Variants in TSPEAR observed in about 807,000 individuals in gnomAD.
TSPEAR encodes thrombospondin-type laminin G domain and EAR repeat-containing protein.
TSPEAR carries 69 observed loss-of-function variants against 71.6 expected under a neutral mutation model. The observed-to-expected ratio is 0.96, with a 90% CI of 0.79 to 1.18. The LOEUF is 1.18. Among genes scored for constraint, TSPEAR ranks in the 50% most tolerant of loss-of-function variants. The probability of loss-of-function intolerance (pLI) is 0.00; values close to 1 mark genes in which losing one functional copy is unlikely to be tolerated. For synonymous variants in TSPEAR, 402 were observed against 387.2 expected (o/e 1.04, Z -0.45); for missense variants, 971 against 894.9 (o/e 1.09, Z -1.09).
intron 1 of TSPEAR, among the ~76,000 whole-genome samples, chr21:44,674,786 A>G (rs868982128): frequency 1.1e-4 from 15 of 130,734 alleles, no homozygotes; most frequent in African/African-American, 3.1e-4. Context: ...GTGTGTGTGT[A>G]TAACATTACC....
chr21:44,586,047 G>T (rs1555925640), intron 1 of TSPEAR, among the ~76,000 whole-genome samples: 1 of 152,194 alleles, frequency 6.6e-6, no homozygotes, highest in African/African-American at 2.4e-5. Flanking sequence ...CCTGGGGTGT[G>T]GTCTCTTCCT....
chr21:44,620,355 A>C (rs1049716992), intron 1 of TSPEAR, among the ~76,000 whole-genome samples: 2 of 152,256 alleles, frequency 1.3e-5, no homozygotes, highest in Non-Finnish European at 2.9e-5. Flanking sequence ...TAGTAAGCTA[A>C]AGCAATATGA....
rs185145080 is a variant in TSPEAR at position 44,636,023 on chromosome 21, A to T, written c.83-68018T>A. ...GGAAATTTAAAATTTTTAGTCTTCT[A>T]TTCATTTCTTTTGTATCTTATCCTG... On this transcript the variant is annotated intron_variant, in intron 1 of 11. Transcript: ENST00000323084. Among the ~76,000 whole-genome samples, 177 of 152,180 alleles carry T rather than the reference A, an allele frequency of 1.2e-3. 2 individuals are homozygous for T. The highest frequency in any genetic ancestry group is 3.8e-4 in the Non-Finnish European group (26 of 67,994).
At chr21:44,503,464 C>T (rs781951787) in intron 11 of TSPEAR, among the ~76,000 whole-genome samples, 1 of 116,028 alleles carries the variant, frequency 8.6e-6, no homozygotes, top group Admixed American at 9.5e-5. Flanking sequence ...AAGCCGGCCT[C>T]GGTGAGCCCT....
intron 1 of TSPEAR, among the ~76,000 whole-genome samples, chr21:44,693,298 G>A (rs1987194182): frequency 6.6e-6 from 1 of 152,088 alleles, no homozygotes. Flanking sequence ...CCTTGGATTT[G>A]ACACTAGGTT....
At chr21:44,596,001 C>G (rs587713821) in intron 1 of TSPEAR, among the ~76,000 whole-genome samples, 15 of 152,280 alleles carry the variant, frequency 9.9e-5, no homozygotes, top group African/African-American at 3.4e-4. Flanking sequence ...TTTATCATCT[C>G]GGTTTCTGTG....
rs114169851 is a variant in TSPEAR, at chr21:44,542,157, A to T, written c.304-8234T>A. ...CAAACAAAAATTCTGGAAACGAAGA[A>T]CACAATAGCTGAAATTAAGAACTAG... On this transcript the variant is annotated intron_variant, in intron 2 of 11. Coordinates refer to ENST00000323084, the MANE Select transcript of TSPEAR (RefSeq NM_144991.3). Among the ~76,000 whole-genome samples the T allele has an allele frequency of 2.0e-3, 311 of 152,368 alleles. 5 individuals carry two copies. Among genetic ancestry groups the T allele is most frequent in the Middle Eastern group, 0.014 (4 of 294 alleles).
At chr21:44,664,961 C>T (rs1555944381) in intron 1 of TSPEAR, among the ~76,000 whole-genome samples, 2 of 152,232 alleles carry the variant, frequency 1.3e-5, no homozygotes, top group African/African-American at 2.4e-5. Flanking sequence ...AACCCTCCCT[C>T]CTCTCATGCT....
At chr21:44,702,873 C>A (rs528879925) in intron 1 of TSPEAR, 4 of 745,548 alleles carry the variant, frequency 5.4e-6, no homozygotes, top group Non-Finnish European at 8.9e-6. Context: ...TCTCAGCACA[C>A]GCACTAGTAC....
rs200550480 is a variant in TSPEAR, at chr21:44,504,745, G to T, written c.1856+35C>A. The T allele has an allele frequency of 2.5e-5, 37 of 1,482,818 alleles. No homozygotes were observed. In the East Asian group the frequency reaches 7.9e-4, roughly 32 times the overall value. The allele number at this position is 1,482,818 out of a possible 1,614,324, so 91.9% of individuals were successfully genotyped here. A position where few individuals can be genotyped will look rare whatever the true frequency, so the allele number is the denominator to read the frequency against. On this transcript the variant is annotated intron_variant, in intron 11 of 11. Transcript: ENST00000323084. Reference sequence around the variant, plus strand: ...GGTGAGCCCACAGTGGGGAAGCAAGGCTCTGGGAGGAGGCCGGCCTCGGCA... The same window carrying T: ...GGTGAGCCCACAGTGGGGAAGCAAGTCTCTGGGAGGAGGCCGGCCTCGGCA...
intron 6 of TSPEAR, among the ~76,000 whole-genome samples, chr21:44,528,171 G>T (rs73907008): frequency 1.3e-5 from 2 of 152,126 alleles, no homozygotes; most frequent in Non-Finnish European, 2.9e-5. Flanking sequence ...GCACAGGCTC[G>T]AGGCTCCTGG....
At chr21:44,572,834 G>GACACACACACACACAC (rs71199612) in intron 1 of TSPEAR, among the ~76,000 whole-genome samples, 2 of 124,892 alleles carry the variant, frequency 1.6e-5, no homozygotes, top group South Asian at 3.3e-4. Context: ...GGGAGATTTG[G>GACACACACACACACAC]ACACACACAC....
intron 2 of TSPEAR, chr21:44,550,535 G>C: frequency 8.6e-7 from 1 of 1,164,168 alleles, no homozygotes; most frequent in Non-Finnish European, 1.2e-6. Flanking sequence ...GGAGGTCAGA[G>C]AGGAGCCAGT....
intron 1 of TSPEAR, among the ~76,000 whole-genome samples, chr21:44,649,104 C>T (rs1435384123): frequency 6.6e-6 from 1 of 152,206 alleles, no homozygotes; most frequent in East Asian, 1.9e-4. Context: ...CCGCAAAGCT[C>T]CCTCCACCGC....
chr21:44,675,843 G>A (rs1227170143), intron 1 of TSPEAR: 22 of 626,562 alleles, frequency 3.5e-5, no homozygotes, highest in Non-Finnish European at 6.1e-5. Context: ...CATGAAATAC[G>A]ACTTTACGAA....
chr21:44,688,696 C>G (rs1986973279), intron 1 of TSPEAR, among the ~76,000 whole-genome samples: 1 of 151,812 alleles, frequency 6.6e-6, no homozygotes, highest in Non-Finnish European at 1.5e-5. Flanking sequence ...GCAACAGAGC[C>G]AGACTCTATC....
At chr21:44,542,762 A>G (rs1214287947) in intron 2 of TSPEAR, among the ~76,000 whole-genome samples, 1 of 151,196 alleles carries the variant, frequency 6.6e-6, no homozygotes, top group African/African-American at 2.4e-5. Context: ...AAAAAAAGAA[A>G]AAGAAAAGAA....
intron 1 of TSPEAR, chr21:44,697,250 C>A (rs782534862): frequency 1.2e-6 from 2 of 1,614,114 alleles, no homozygotes; most frequent in Middle Eastern, 1.7e-4. Context: ...CGTCTGCCTT[C>A]CTGGTTCCTG....
chr21:44,550,526 G>A lies in TSPEAR; in HGVS notation c.304-16603C>T, dbSNP rs1175804916. ...AAGCCAGGGCTCGCCCGCCCGGCGG[G>A]AGGTCAGAGAGGAGCCAGTGAGCAT... On this transcript the variant is annotated intron_variant, in intron 2 of 11. Coordinates refer to ENST00000323084, the MANE Select transcript of TSPEAR (RefSeq NM_144991.3). 1.0e-5 allele frequency: 11 copies of A among 1,066,958 alleles called. No individual in the cohort carries two copies. The African/African-American group carries it at 1.4e-4, about 14-fold the overall frequency. The allele number at this position is 1,066,958 out of a possible 1,614,324, so 66.1% of individuals were successfully genotyped here.
Sources: gnomAD v4.1 joint callset for allele counts (sites outside exome capture counted in the v4.1 genomes callset) on GRCh38, gnomAD v4.1.1 for gene constraint, MANE v1.5 for transcripts, NCBI Gene and HGNC (gene_info 2026-07-23, HGNC 2026-07-21) for gene names.